Variants in KLRG1 observed in about 807,000 individuals in gnomAD.
KLRG1 encodes the protein killer cell lectin-like receptor subfamily G member 1.
KLRG1 carries 16 observed loss-of-function variants against 21.8 expected under a neutral mutation model. That is an observed-to-expected ratio of 0.73 (90% CI 0.50 to 1.11). The LOEUF (loss-of-function observed/expected upper bound fraction) is 1.11, where lower values mean the gene tolerates loss of function less well. Ranked by LOEUF, KLRG1 falls within the 50% of genes most tolerant of loss-of-function variation. The pLI, the probability that KLRG1 is intolerant of heterozygous loss-of-function variation, is 0.00. For missense variants in KLRG1, 173 were observed against 218.3 expected (o/e 0.79, Z 1.31); for synonymous variants, 69 against 75.9 (o/e 0.91, Z 0.47).
intron 3 of KLRG1, among the ~76,000 whole-genome samples, chr12:8,995,803 C>A (rs924797843): frequency 3.9e-5 from 6 of 152,028 alleles, no homozygotes; most frequent in African/African-American, 1.4e-4. Flanking sequence ...CTGCCTCAGC[C>A]TCCCAAGTAG....
At chr12:9,199,140 C>T in the KLRG1 span, among the ~76,000 whole-genome samples, 3 of 152,126 alleles carry the variant, frequency 2.0e-5, no homozygotes, top group African/African-American at 7.2e-5. Flanking sequence ...ACAGTAAGTT[C>T]TGATAGGGGA....
At chr12:8,979,462 T>A (rs181098374) in intron 1 of KLRG1, among the ~76,000 whole-genome samples, 1 of 152,262 alleles carries the variant, frequency 6.6e-6, no homozygotes, top group Non-Finnish European at 1.5e-5. Context: ...TTATATGTGA[T>A]GAGTCATTTT....
the KLRG1 span, chr12:9,076,841 C>G: frequency 6.2e-7 from 1 of 1,614,066 alleles, no homozygotes; most frequent in South Asian, 1.1e-5. Context: ...CATAGGCCAG[C>G]AGTGCTTTGG....
the KLRG1 span, among the ~76,000 whole-genome samples, chr12:9,146,136 C>T: frequency 6.6e-6 from 1 of 151,762 alleles, no homozygotes; most frequent in African/African-American, 2.4e-5. Context: ...TTCTATTCTC[C>T]TTTTCTGACT....
chr12:9,046,926 G>A, the KLRG1 span, among the ~76,000 whole-genome samples: 2 of 152,080 alleles, frequency 1.3e-5, no homozygotes, highest in East Asian at 1.9e-4. Context: ...ACAATCACAG[G>A]TCATTGCAGC....
At chr12:9,040,915 G>T in the KLRG1 span, among the ~76,000 whole-genome samples, 1 of 152,246 alleles carries the variant, frequency 6.6e-6, no homozygotes, top group South Asian at 2.1e-4. Flanking sequence ...CTAAGTTTAT[G>T]CATGAAGAGG....
At chr12:9,206,241 A>AT in the KLRG1 span, among the ~76,000 whole-genome samples, 1 of 151,502 alleles carries the variant, frequency 6.6e-6, no homozygotes, top group South Asian at 2.1e-4. Flanking sequence ...GATCTTAATA[A>AT]GAAGGTATAT....
At chr12:8,973,887 G>T (rs1425444951) in intron 1 of KLRG1, among the ~76,000 whole-genome samples, 1 of 152,006 alleles carries the variant, frequency 6.6e-6, no homozygotes, top group African/African-American at 2.4e-5. Flanking sequence ...AAACATGAAT[G>T]ATTTTTGTAT....
intron 1 of KLRG1, among the ~76,000 whole-genome samples, chr12:8,982,613 G>A (rs1946772116): frequency 6.6e-6 from 1 of 150,520 alleles, no homozygotes; most frequent in South Asian, 2.1e-4. Flanking sequence ...TATATTTAAA[G>A]TGCATATCTT....
At chr12:9,095,859 A>G in the KLRG1 span, among the ~76,000 whole-genome samples, 1 of 139,728 alleles carries the variant, frequency 7.2e-6, no homozygotes, top group Non-Finnish European at 1.5e-5. Flanking sequence ...TCCCGGGTTC[A>G]CGCCATTCTC....
At chr12:9,174,220 C>CA in the KLRG1 span, among the ~76,000 whole-genome samples, 2 of 152,184 alleles carry the variant, frequency 1.3e-5, no homozygotes, top group African/African-American at 2.4e-5. Flanking sequence ...GAACTAAAGA[C>CA]AAAAACCACA....
the KLRG1 span, among the ~76,000 whole-genome samples, chr12:9,044,113 T>C: frequency 6.6e-6 from 1 of 152,140 alleles, no homozygotes; most frequent in Non-Finnish European, 1.5e-5. Context: ...TTTGGGGTGG[T>C]TTTTTATACA....
the KLRG1 span, among the ~76,000 whole-genome samples, chr12:9,102,602 T>G: frequency 6.6e-6 from 1 of 152,212 alleles, no homozygotes; most frequent in Non-Finnish European, 1.5e-5. Flanking sequence ...CTTTTCTTCC[T>G]GTAGAAGTTA....
At chr12:9,069,041 G>A in the KLRG1 span, 62 of 474,244 alleles carry the variant, frequency 1.3e-4, no homozygotes, top group African/African-American at 1.0e-3. Flanking sequence ...CTAACATAAC[G>A]CATATACCTC....
the KLRG1 span, chr12:9,194,319 C>T: frequency 2.9e-6 from 4 of 1,357,866 alleles, no homozygotes; most frequent in Non-Finnish European, 4.0e-6. Context: ...GCTTTTGCTG[C>T]TATAACTAAA....
the KLRG1 span, among the ~76,000 whole-genome samples, chr12:9,191,928 G>T: frequency 6.6e-6 from 1 of 152,160 alleles, no homozygotes; most frequent in Non-Finnish European, 1.5e-5. Flanking sequence ...ATTTTGAAAA[G>T]AGCTTTGTTT....
chr12:9,169,621 C>G, the KLRG1 span: 8 of 1,532,576 alleles, frequency 5.2e-6, no homozygotes, highest in Non-Finnish European at 6.1e-6. Context: ...AAAGGCAGAA[C>G]TGTTACTTAC....
At chr12:9,193,221 T>C in the KLRG1 span, among the ~76,000 whole-genome samples, 85,522 of 151,838 alleles carry the variant, frequency 0.56, 24,120 homozygotes, top group Admixed American at 0.64. Context: ...ACCTATGTGA[T>C]TTCTGAAACT....
chr12:9,142,853 G>GT, the KLRG1 span, among the ~76,000 whole-genome samples: 2 of 152,230 alleles, frequency 1.3e-5, no homozygotes, highest in East Asian at 3.9e-4. Context: ...GAAAACAAAG[G>GT]TTTTTCCCCA....
Sources: allele counts gnomAD v4.1 joint callset (sites outside exome capture counted in the v4.1 genomes callset), GRCh38; gene constraint gnomAD v4.1.1; transcripts MANE v1.5; gene names NCBI Gene and HGNC (gene_info 2026-07-23, HGNC 2026-07-21).